The following NRXN3 variants were observed in gnomAD, a reference collection of about 807,000 sequenced individuals.
The protein encoded by NRXN3 is neurexin III.
NRXN3 carries 32 observed loss-of-function variants against 137.6 expected under a neutral mutation model. The observed-to-expected ratio is 0.23, with a 90% CI of 0.18 to 0.31. The LOEUF (loss-of-function observed/expected upper bound fraction) is 0.31. NRXN3 is among the 10% of genes least tolerant of loss of function. The pLI, the probability that NRXN3 is intolerant of heterozygous loss-of-function variation, is 1.00. For missense variants in NRXN3, 1,574 were observed against 2,062.5 expected, an observed-to-expected ratio of 0.76 and a Z score of 4.59; for synonymous variants, 798 against 784.5, an observed-to-expected ratio of 1.02 and a Z score of -0.29.
At chr14:79,788,064 T>TG (rs543587410) in intron 19 of NRXN3, among the ~76,000 whole-genome samples, 16 of 152,130 alleles carry the variant, frequency 1.1e-4, no homozygotes, top group South Asian at 2.1e-4. Context: ...TCCACATGAC[T>TG]GGGGGGGCCT....
At chr14:78,233,589 CAT>C (rs972097866) in intron 1 of NRXN3, among the ~76,000 whole-genome samples, 1 of 147,862 alleles carries the variant, frequency 6.8e-6, no homozygotes, top group African/African-American at 2.5e-5. Context: ...AAGATAAAGA[CAT>C]AAATACTCTC....
chr14:79,155,772 G>A (rs919751613), intron 15 of NRXN3, among the ~76,000 whole-genome samples: 1 of 151,474 alleles, frequency 6.6e-6, no homozygotes, highest in African/African-American at 2.4e-5. Flanking sequence ...TTCTCTCTGA[G>A]GAAATAAAGA....
chr14:78,238,830 G>A (rs1364085273), intron 1 of NRXN3, among the ~76,000 whole-genome samples: 1 of 152,226 alleles, frequency 6.6e-6, no homozygotes, highest in Non-Finnish European at 1.5e-5. Flanking sequence ...GGGGAAGGAT[G>A]AGGGACTGAA....
chr14:79,581,701 T>C (rs940084491), intron 16 of NRXN3, among the ~76,000 whole-genome samples: 3 of 152,236 alleles, frequency 2.0e-5, no homozygotes, highest in African/African-American at 4.8e-5. Context: ...AAAACGCTAA[T>C]GACTGAGCTT....
At chr14:79,707,709 A>C (rs2098786493) in intron 19 of NRXN3, among the ~76,000 whole-genome samples, 1 of 152,174 alleles carries the variant, frequency 6.6e-6, no homozygotes. Context: ...TATGGCAATT[A>C]GCTTCCTTGG....
intron 15 of NRXN3, among the ~76,000 whole-genome samples, chr14:79,282,986 G>C (rs1026989915): frequency 6.6e-6 from 1 of 152,124 alleles, no homozygotes; most frequent in African/African-American, 2.4e-5. Flanking sequence ...GTGACCCTTT[G>C]CGTCTCTAAC....
intron 10 of NRXN3, among the ~76,000 whole-genome samples, chr14:78,848,451 A>T (rs1567502621): frequency 6.6e-6 from 1 of 152,264 alleles, no homozygotes; most frequent in East Asian, 1.9e-4. Flanking sequence ...GGCATGCAGA[A>T]ATGCACCTGC....
At chr14:79,235,310 C>A (rs2073174668) in intron 15 of NRXN3, among the ~76,000 whole-genome samples, 1 of 152,114 alleles carries the variant, frequency 6.6e-6, no homozygotes, top group Admixed American at 6.6e-5. Flanking sequence ...GTCAAGCAAC[C>A]TTTATCTCTT....
At chr14:79,530,737 C>T (rs915819475) in intron 16 of NRXN3, among the ~76,000 whole-genome samples, 1 of 151,994 alleles carries the variant, frequency 6.6e-6, no homozygotes, top group Non-Finnish European at 1.5e-5. Context: ...TTGCCACTTC[C>T]TCTTGTACAG....
rs958655018 is a variant in NRXN3, at chr14:79,655,578, C to CT, written c.3445-8192dup. On this transcript the variant is annotated intron_variant, in intron 16 of 20. Coordinates refer to ENST00000335750, the MANE Select transcript of NRXN3 (RefSeq NM_001330195.2). The stretch of plus-strand genomic sequence containing the variant: ...ATGTAAATGTGTGTAGAATGTTTTT[C>CT]TTTTTTTTCATGCAATACATGCTCT... Among the ~76,000 whole-genome samples, 8 of 152,086 alleles carry CT rather than the reference C, an allele frequency of 5.3e-5. No homozygotes were observed. The South Asian group carries it at 1.0e-3, about 20-fold the overall frequency.
Position 78,419,951 on chromosome 14 carries a change from G to GTA in NRXN3, c.757+122091_757+122092insTA, listed in dbSNP as rs201311935. 3.2e-4 allele frequency among the ~76,000 whole-genome samples: 7 copies of GTA among 21,990 alleles called. No individual in the cohort carries two copies. The South Asian group carries it at 0.019, about 60-fold the overall frequency. 14.4% of individuals were successfully genotyped at this position (21,990 alleles called of 152,430 possible). A position where few individuals can be genotyped will look rare whatever the true frequency, so the allele number is the denominator to read the frequency against. On this transcript the variant is annotated intron_variant, in intron 4 of 20. Transcript: ENST00000335750. Reference sequence around the variant, plus strand: ...TATCTGTGTGCACGTGTGTGCGCGCGCGCGCGCACGCACACACACACACAC... The same window carrying GTA: ...TATCTGTGTGCACGTGTGTGCGCGCGTACGCGCGCACGCACACACACACACAC...
intron 15 of NRXN3, among the ~76,000 whole-genome samples, chr14:79,126,130 C>A (rs889592391): frequency 6.6e-6 from 1 of 151,886 alleles, no homozygotes; most frequent in Admixed American, 6.6e-5. Flanking sequence ...TTTTAATTAA[C>A]TTAAACTTTT....
In NRXN3 at chr14:79,517,139, T is replaced by C. The variant is rs1308400451; in HGVS notation, c.3444+49737T>C. Among the ~76,000 whole-genome samples, 3 of 137,744 alleles carry C rather than the reference T, an allele frequency of 2.2e-5. No individual in the cohort carries two copies. The Admixed American group carries it at 2.2e-4, about 10-fold the overall frequency. 90.4% of individuals were successfully genotyped at this position (137,744 alleles called of 152,430 possible). A position where few individuals can be genotyped will look rare whatever the true frequency, so the allele number is the denominator to read the frequency against. On this transcript the variant is annotated intron_variant, in intron 16 of 20. Coordinates refer to ENST00000335750, the MANE Select transcript of NRXN3 (RefSeq NM_001330195.2). ...GGAGCGCTTCCCCACACCTCACCAA[T>C]AGAGACTGTGGTCACACTTTTAGAA...
chr14:78,880,219 G>A (rs1490890971), intron 10 of NRXN3, among the ~76,000 whole-genome samples: 1 of 115,384 alleles, frequency 8.7e-6, no homozygotes, highest in Non-Finnish European at 1.6e-5. Context: ...CAGCCTGGGC[G>A]ACAGAGCGAG....
intron 10 of NRXN3, among the ~76,000 whole-genome samples, chr14:78,838,887 T>C (rs2099004349): frequency 6.6e-6 from 1 of 152,066 alleles, no homozygotes; most frequent in Non-Finnish European, 1.5e-5. Context: ...GAGAAAAAGG[T>C]GGCTTTGTCC....
chr14:79,523,210 A>G (rs1020506265), intron 16 of NRXN3, among the ~76,000 whole-genome samples: 1 of 152,160 alleles, frequency 6.6e-6, no homozygotes, highest in Non-Finnish European at 1.5e-5. Flanking sequence ...ATGCAATTTC[A>G]GGTAGCCACA....
Position 78,555,757 on chromosome 14 carries a change from G to A in NRXN3, c.758-89363G>A, listed in dbSNP as rs371720804. Among the ~76,000 whole-genome samples the A allele has an allele frequency of 1.1e-4, 17 of 152,320 alleles. No individual in the cohort carries two copies. In the South Asian group the frequency reaches 3.5e-3, roughly 32 times the overall value. On this transcript the variant is annotated intron_variant, in intron 4 of 20. Transcript: ENST00000335750. ...TGAAGTAACAGTAAGGGCTGGCAGTGGAATATTATTGATCCCAGAGGAAAA... is the reference window on the plus strand; with the variant it reads ...TGAAGTAACAGTAAGGGCTGGCAGTAGAATATTATTGATCCCAGAGGAAAA...
chr14:79,365,725 C>CAA (rs569855024), intron 15 of NRXN3, among the ~76,000 whole-genome samples: 579 of 42,264 alleles, frequency 0.014, 74 homozygotes, highest in African/African-American at 0.045. Flanking sequence ...GACTCTGTCT[C>CAA]AAAAAAAAAA....
intron 4 of NRXN3, among the ~76,000 whole-genome samples, chr14:78,379,606 A>T (rs2088653821): frequency 6.6e-6 from 1 of 152,214 alleles, no homozygotes; most frequent in Non-Finnish European, 1.5e-5. Flanking sequence ...AGAGGGAAAC[A>T]TTCTCAATAA....
Sources: allele counts gnomAD v4.1 joint callset (sites outside exome capture counted in the v4.1 genomes callset), GRCh38; gene constraint gnomAD v4.1.1; transcripts MANE v1.5; gene names NCBI Gene and HGNC (gene_info 2026-07-23, HGNC 2026-07-21).